MECOM: variants seen among roughly 807,000 people sequenced by gnomAD.
MECOM encodes MDS1 and EVI1 complex locus.
MECOM carries 13 observed loss-of-function variants against 116.3 expected under a neutral mutation model. That is an observed-to-expected ratio of 0.11 (90% CI 0.07 to 0.18). The LOEUF is 0.18. MECOM is among the 10% of genes least tolerant of loss of function. The probability of loss-of-function intolerance (pLI) is 1.00; values close to 1 mark genes in which losing one functional copy is unlikely to be tolerated. For missense variants in MECOM, 1,299 were observed against 1,509.0 expected, an observed-to-expected ratio of 0.86 and a Z score of 2.31; for synonymous variants, 528 against 535.2, an observed-to-expected ratio of 0.99 and a Z score of 0.19.
chr3:169,485,964 C>G lies in MECOM; in HGVS notation c.38-104440G>C, dbSNP rs376523868. 2.7e-3 allele frequency among the ~76,000 whole-genome samples: 253 copies of G among 94,330 alleles called. 3 individuals are homozygous for G. The highest frequency in any genetic ancestry group is 0.011 in the African/African-American group (207 of 19,304). The allele number at this position is 94,330 out of a possible 152,430, so 61.9% of individuals were successfully genotyped here. A position where few individuals can be genotyped will look rare whatever the true frequency, so the allele number is the denominator to read the frequency against. On this transcript the variant is annotated intron_variant, in intron 1 of 16. Transcript: ENST00000651503. ...ATGTATGTATATATGTACATATATA[C>G]TATATATACATATATATATAGTATA...
In MECOM at chr3:169,384,825, G is replaced by A. The variant is rs1383231157; in HGVS notation, c.38-3301C>T. 1.3e-5 allele frequency among the ~76,000 whole-genome samples: 2 copies of A among 152,180 alleles called. 1 individual carries two copies. Among genetic ancestry groups the A allele is most frequent in the East Asian group, 3.9e-4 (2 of 5,174 alleles). On this transcript the variant is annotated intron_variant, in intron 1 of 16. Transcript: ENST00000651503. ...TGATCTTTAAAAAAGGATAGAGGCC[G>A]GGTGTGGTGGCTCCAGCCTGTAACC...
chr3:169,283,224 C>A (rs1031635420), intron 2 of MECOM, among the ~76,000 whole-genome samples: 3 of 152,002 alleles, frequency 2.0e-5, no homozygotes, highest in Non-Finnish European at 4.4e-5. Context: ...AAAAAGAGGT[C>A]AGGCATGGTG....
chr3:169,466,672 C>A (rs937433940), intron 1 of MECOM, among the ~76,000 whole-genome samples: 3 of 151,956 alleles, frequency 2.0e-5, no homozygotes, highest in Non-Finnish European at 4.4e-5. Context: ...AAGAAACATG[C>A]CAGTTTGTGG....
chr3:169,660,901 G>A (rs977368540), intron 1 of MECOM, among the ~76,000 whole-genome samples: 1 of 152,212 alleles, frequency 6.6e-6, no homozygotes, highest in African/African-American at 2.4e-5. Context: ...AGCAACAGCT[G>A]GAGTAGTGCA....
At chr3:169,407,447 C>CTTTGT (rs1736879718) in intron 1 of MECOM, among the ~76,000 whole-genome samples, 2 of 151,258 alleles carry the variant, frequency 1.3e-5, no homozygotes, top group Admixed American at 1.3e-4. Flanking sequence ...TACCAGTTCA[C>CTTTGT]AAAAACATTT....
intron 2 of MECOM, among the ~76,000 whole-genome samples, chr3:169,316,603 T>G (rs897096503): frequency 6.6e-6 from 1 of 152,104 alleles, no homozygotes; most frequent in Non-Finnish European, 1.5e-5. Context: ...CAGACTGGAG[T>G]GCAGTAGCAT....
intron 1 of MECOM, among the ~76,000 whole-genome samples, chr3:169,516,294 A>T (rs7627381): frequency 0.52 from 78,811 of 151,944 alleles, 21,831 homozygotes; most frequent in African/African-American, 0.73. Flanking sequence ...AATACGTGAA[A>T]AGTTTTCATA....
At chr3:169,161,740 G>A (rs982020923) in intron 2 of MECOM, among the ~76,000 whole-genome samples, 4 of 152,110 alleles carry the variant, frequency 2.6e-5, no homozygotes, top group African/African-American at 9.7e-5. Context: ...AGGAGAAAGG[G>A]ATGCTATGTG....
intron 11 of MECOM, 25 bp downstream of exon 11, chr3:169,102,035 C>A: frequency 6.4e-7 from 1 of 1,574,178 alleles, no homozygotes; most frequent in Non-Finnish European, 8.6e-7. Flanking sequence ...TCTGGAAAGT[C>A]AGCCATAATT....
chr3:169,103,723 A>T (rs1724375405), intron 10 of MECOM, among the ~76,000 whole-genome samples: 1 of 152,218 alleles, frequency 6.6e-6, no homozygotes, highest in Non-Finnish European at 1.5e-5. Flanking sequence ...TTAACAAGAC[A>T]TATATTCTGT....
At chr3:169,497,613 A>G (rs6444854) in intron 1 of MECOM, among the ~76,000 whole-genome samples, 78,345 of 151,954 alleles carry the variant, frequency 0.52, 21,525 homozygotes, top group African/African-American at 0.72. Flanking sequence ...CCGCCTCGGC[A>G]TCCCAAAATG....
At chr3:169,095,365 A>G (rs1266066678) in intron 12 of MECOM, 120 bp from the exon 13 acceptor site, 6 of 751,426 alleles carry the variant, frequency 8.0e-6, no homozygotes, top group Non-Finnish European at 1.2e-5. Context: ...GAAAAGGCAC[A>G]GGGAGAATAC....
intron 2 of MECOM, among the ~76,000 whole-genome samples, chr3:169,309,052 G>T (rs893384000): frequency 1.3e-5 from 2 of 152,260 alleles, no homozygotes; most frequent in South Asian, 2.1e-4. Flanking sequence ...ACATTAAAAC[G>T]TCTGGGTTAA....
At chr3:169,269,362 AG>A (rs1315831731) in intron 2 of MECOM, 1 of 148,930 alleles carries the variant, frequency 6.7e-6, no homozygotes, top group Admixed American at 6.6e-5. Flanking sequence ...AGCTTTAAAA[AG>A]AAAAAAAAAA....
intron 1 of MECOM, among the ~76,000 whole-genome samples, chr3:169,497,670 T>A (rs1424448251): frequency 6.6e-6 from 1 of 152,218 alleles, no homozygotes; most frequent in Non-Finnish European, 1.5e-5. Flanking sequence ...TTTTTCTCTC[T>A]TGTAATTCAT....
chr3:169,472,633 A>AAAAGAAAAGGAAAGGAAAGGAAAGG (rs1749680508), intron 1 of MECOM, among the ~76,000 whole-genome samples: 2 of 60,338 alleles, frequency 3.3e-5, no homozygotes, highest in African/African-American at 1.0e-4. Context: ...AAAAGAAAAG[A>AAAAGAAAAGGAAAGGAAAGGAAAGG]AAAGGAAAGG....
At chr3:169,514,968 G>T (rs895748894) in intron 1 of MECOM, among the ~76,000 whole-genome samples, 1 of 152,090 alleles carries the variant, frequency 6.6e-6, no homozygotes, top group Non-Finnish European at 1.5e-5. Context: ...TAGAATCCCG[G>T]TAGACACAGT....
intron 1 of MECOM, among the ~76,000 whole-genome samples, chr3:169,386,810 A>G (rs1030183206): frequency 6.6e-6 from 1 of 152,206 alleles, no homozygotes; most frequent in Non-Finnish European, 1.5e-5. Flanking sequence ...ATAGCAATTT[A>G]CACTTCTACC....
At chr3:169,378,174 G>A (rs1731368628) in intron 2 of MECOM, among the ~76,000 whole-genome samples, 1 of 151,578 alleles carries the variant, frequency 6.6e-6, no homozygotes, top group African/African-American at 2.4e-5. Flanking sequence ...GCCTGTCAGG[G>A]GGTGGGGGGC....
Sources: gnomAD v4.1 joint callset for allele counts (sites outside exome capture counted in the v4.1 genomes callset) on GRCh38, gnomAD v4.1.1 for gene constraint, MANE v1.5 for transcripts, NCBI Gene and HGNC (gene_info 2026-07-23, HGNC 2026-07-21) for gene names.